WDR41: variants seen among roughly 807,000 people sequenced by gnomAD.
WDR41 encodes the protein WD repeat domain 41.
A neutral mutation model predicts 69.3 loss-of-function variants in WDR41; 63 were observed. The ratio of observed to expected loss-of-function variants is 0.91; its 90% CI spans 0.74 to 1.12. The LOEUF (loss-of-function observed/expected upper bound fraction) is 1.12. Among genes scored for constraint, WDR41 ranks in the 50% most tolerant of loss-of-function variants. The pLI is 0.00. For missense variants in WDR41, 543 were observed against 534.5 expected, an observed-to-expected ratio of 1.02 and a Z score of -0.16; for synonymous variants, 185 against 192.1, an observed-to-expected ratio of 0.96 and a Z score of 0.31.
chr5:77,504,458 G>T (rs1382562611), intron 1 of WDR41, among the ~76,000 whole-genome samples: 7 of 152,140 alleles, frequency 4.6e-5, no homozygotes, highest in Middle Eastern at 3.2e-3. Context: ...AAGAAGAGCT[G>T]GTACCATTCC....
chr5:77,552,801 C>A (rs1314400905), intron 1 of WDR41, among the ~76,000 whole-genome samples: 1 of 152,172 alleles, frequency 6.6e-6, no homozygotes, highest in Non-Finnish European at 1.5e-5. Context: ...GAGGAATAAC[C>A]TTTTCAACAA....
intron 2 of WDR41, among the ~76,000 whole-genome samples, chr5:77,469,143 C>CA (rs765683930): frequency 4.0e-5 from 6 of 150,916 alleles, no homozygotes; most frequent in Non-Finnish European, 7.4e-5. Flanking sequence ...TCGCCAAGGA[C>CA]AAAAAACCAA....
chr5:77,594,651 C>T (rs1299305829), intron 1 of WDR41, among the ~76,000 whole-genome samples: 1 of 152,160 alleles, frequency 6.6e-6, no homozygotes, highest in East Asian at 1.9e-4. Context: ...TTTAGATCAA[C>T]AGGCTAGAAG....
chr5:77,545,670 C>A, intron 1 of WDR41: 1 of 430,952 alleles, frequency 2.3e-6, no homozygotes, highest in Non-Finnish European at 4.1e-6. Flanking sequence ...TCCTGGGGGC[C>A]TCTCTCAAGG....
chr5:77,480,674 T>C (rs1330641198), intron 2 of WDR41, among the ~76,000 whole-genome samples: 3 of 91,242 alleles, frequency 3.3e-5, no homozygotes, highest in South Asian at 8.6e-4. Flanking sequence ...GGGACTGTTG[T>C]AGGGTGCGGG....
intron 1 of WDR41, among the ~76,000 whole-genome samples, chr5:77,523,168 G>T (rs1191243961): frequency 1.3e-5 from 2 of 151,874 alleles, no homozygotes; most frequent in East Asian, 3.9e-4. Context: ...ACAAAAATTA[G>T]CTTGGCGTGA....
intron 1 of WDR41, 39 bp from the exon 2 acceptor site, chr5:77,489,611 CA>C (rs753824275): frequency 2.1e-5 from 26 of 1,242,414 alleles, no homozygotes; most frequent in African/African-American, 7.9e-5. Context: ...AAACAAAAGA[CA>C]AAAAAAGAGA....
At chr5:77,524,103 A>G (rs575677882) in intron 1 of WDR41, among the ~76,000 whole-genome samples, 371 of 152,348 alleles carry the variant, frequency 2.4e-3, no homozygotes, top group African/African-American at 8.5e-3. Flanking sequence ...AACAGGGACA[A>G]AACAATCAAG....
intron 1 of WDR41, among the ~76,000 whole-genome samples, chr5:77,543,038 G>A (rs1743121114): frequency 6.6e-6 from 1 of 152,148 alleles, no homozygotes; most frequent in Non-Finnish European, 1.5e-5. Flanking sequence ...TGGATGGCTA[G>A]ATCCAGAAGA....
intron 2 of WDR41, 125 bp from the exon 3 acceptor site, chr5:77,464,934 T>A: frequency 2.1e-6 from 2 of 939,552 alleles, no homozygotes; most frequent in East Asian, 5.3e-5. Flanking sequence ...TTATTTCAGC[T>A]AATTTAAAAA....
chr5:77,435,699 T>C (rs956479025), intron 12 of WDR41, among the ~76,000 whole-genome samples: 2 of 152,248 alleles, frequency 1.3e-5, no homozygotes, highest in Admixed American at 6.5e-5. Context: ...CTACAGGCAA[T>C]GATGCCTGCA....
intron 1 of WDR41, among the ~76,000 whole-genome samples, chr5:77,528,666 T>G (rs2112203074): frequency 6.6e-6 from 1 of 151,572 alleles, no homozygotes; most frequent in Middle Eastern, 3.4e-3. Context: ...CAACAACACA[T>G]GGAAAGAATA....
chr5:77,485,498 C>T (rs544336782), intron 2 of WDR41, among the ~76,000 whole-genome samples: 1 of 152,176 alleles, frequency 6.6e-6, no homozygotes, highest in Admixed American at 6.5e-5. Context: ...TCATCTGATT[C>T]CTTTCCAGTC....
In WDR41 at chr5:77,433,161, TCTC is replaced by T. The variant is rs530910013; in HGVS notation, c.1351_1353del (p.Glu451del). On this transcript the variant is annotated inframe_deletion, in exon 13 of 13. Transcript: ENST00000296679. ...TAGACAGCAAGGTATAAGTCACCAT[TCTC>T]CTCTAATTTTTGAAATAATCTTAAA... The T allele has an allele frequency of 4.2e-4, 685 of 1,613,456 alleles. 3 individuals carry two copies. In the African/African-American group the frequency reaches 6.6e-3, roughly 15 times the overall value.
intron 1 of WDR41, among the ~76,000 whole-genome samples, chr5:77,524,662 G>C (rs546861421): frequency 6.6e-6 from 1 of 151,928 alleles, no homozygotes; most frequent in Non-Finnish European, 1.5e-5. Context: ...TGTCTCAAAG[G>C]TTCCATTTTC....
chr5:77,604,951 A>T (rs1429490220), intron 1 of WDR41, among the ~76,000 whole-genome samples: 1 of 152,202 alleles, frequency 6.6e-6, no homozygotes, highest in Non-Finnish European at 1.5e-5. Flanking sequence ...TTGGTTCTTA[A>T]TGCATTTTTT....
intron 1 of WDR41, among the ~76,000 whole-genome samples, chr5:77,595,384 G>GA (rs1213790243): frequency 6.6e-6 from 1 of 152,048 alleles, no homozygotes; most frequent in Non-Finnish European, 1.5e-5. Context: ...AAAAATGCAG[G>GA]ACTCCAGTAA....
intron 1 of WDR41, among the ~76,000 whole-genome samples, chr5:77,566,131 C>G (rs937377307): frequency 6.6e-6 from 1 of 152,046 alleles, no homozygotes; most frequent in African/African-American, 2.4e-5. Flanking sequence ...GAGCTTAATA[C>G]CATTCATAAG....
intron 1 of WDR41, among the ~76,000 whole-genome samples, chr5:77,596,456 T>A (rs937040125): frequency 2.0e-5 from 3 of 152,160 alleles, no homozygotes; most frequent in Non-Finnish European, 2.9e-5. Context: ...AGAAGCAGTT[T>A]CCAACTTGGG....
Sources: allele counts gnomAD v4.1 joint callset (sites outside exome capture counted in the v4.1 genomes callset), GRCh38; gene constraint gnomAD v4.1.1; transcripts MANE v1.5; gene names NCBI Gene and HGNC (gene_info 2026-07-23, HGNC 2026-07-21).